The following KLHL29 variants were observed in gnomAD, a reference collection of about 807,000 sequenced individuals.
KLHL29 encodes kelch-like protein 29.
In KLHL29, 21 loss-of-function variants were observed where a neutral mutation model predicts 80.4. The observed-to-expected ratio is 0.26, with a 90% CI of 0.19 to 0.38. The LOEUF (loss-of-function observed/expected upper bound fraction) is 0.38, where lower values mean the gene tolerates loss of function less well. KLHL29 is among the 10% of genes least tolerant of loss of function. The pLI, the probability that KLHL29 is intolerant of heterozygous loss-of-function variation, is 1.00. For missense variants in KLHL29, 867 were observed against 1,223.9 expected (o/e 0.71, Z 4.35); for synonymous variants, 511 against 526.8 (o/e 0.97, Z 0.41).
chr2:23,449,545 A>G (rs1663806525), intron 1 of KLHL29, among the ~76,000 whole-genome samples: 1 of 152,118 alleles, frequency 6.6e-6, no homozygotes, highest in Non-Finnish European at 1.5e-5. Context: ...TCTCTCACTA[A>G]GTAGGCTGGT....
chr2:23,480,135 G>A (rs954506809), intron 2 of KLHL29, among the ~76,000 whole-genome samples: 9 of 152,200 alleles, frequency 5.9e-5, no homozygotes, highest in South Asian at 2.1e-4. Context: ...AGGGAGGAAC[G>A]GTGCCACCAG....
At chr2:23,619,105 AG>A (rs1439475206) in intron 3 of KLHL29, among the ~76,000 whole-genome samples, 5 of 152,268 alleles carry the variant, frequency 3.3e-5, no homozygotes, top group Admixed American at 6.5e-5. Flanking sequence ...TGCAGGTGGG[AG>A]GCTCCAGCTA....
chr2:23,402,029 T>C (rs554787051), intron 1 of KLHL29, among the ~76,000 whole-genome samples: 87 of 152,290 alleles, frequency 5.7e-4, no homozygotes, highest in African/African-American at 1.9e-3. Flanking sequence ...CTGGGCACAT[T>C]TTGCACTTTC....
In KLHL29 at chr2:23,695,579, C is replaced by T; in HGVS notation, c.1543-44C>T. ...ATTTCTTTCCGTCCGGGAGGTGGCT[C>T]TCTCTTGCTAGTCTAAGAAGATTCT... is the stretch of plus-strand genomic sequence containing the variant. On this transcript the variant is annotated intron_variant, in intron 8 of 13. Coordinates refer to ENST00000486442, the MANE Select transcript of KLHL29 (RefSeq NM_052920.2). This position sits in a 1 kb window ranked among gnomAD's most constrained non-coding sequence, Gnocchi z 7.6. The T allele has an allele frequency of 7.2e-7, 1 of 1,387,784 alleles. No individual in the cohort carries two copies. The highest frequency in any genetic ancestry group is 2.5e-5 in the East Asian group (1 of 39,996). The allele number at this position is 1,387,784 out of a possible 1,614,324, so 86.0% of individuals were successfully genotyped here. A position where few individuals can be genotyped will look rare whatever the true frequency, so the allele number is the denominator to read the frequency against.
At chr2:23,431,305 C>T (rs1663169780) in intron 1 of KLHL29, among the ~76,000 whole-genome samples, 2 of 152,220 alleles carry the variant, frequency 1.3e-5, no homozygotes, top group Non-Finnish European at 2.9e-5. Context: ...AGGCATAGAA[C>T]AGCAGTGCAG....
chr2:23,585,410 C>T (rs1260807741), intron 3 of KLHL29, among the ~76,000 whole-genome samples: 3 of 152,170 alleles, frequency 2.0e-5, no homozygotes, highest in African/African-American at 7.2e-5. Context: ...TATACCTACT[C>T]CTGGGTCAGT....
intron 4 of KLHL29, among the ~76,000 whole-genome samples, chr2:23,640,537 A>T (rs942244753): frequency 6.6e-6 from 1 of 152,194 alleles, no homozygotes; most frequent in African/African-American, 2.4e-5. Flanking sequence ...TAAGACACCC[A>T]GGCTGGCTCA....
intron 2 of KLHL29, among the ~76,000 whole-genome samples, chr2:23,514,809 A>G (rs551472884): frequency 2.0e-4 from 30 of 152,260 alleles, no homozygotes; most frequent in African/African-American, 6.3e-4. Flanking sequence ...CGCTCCATCT[A>G]TCCTTGCTGC....
At chr2:23,636,400 A>G (rs1392098361) in intron 3 of KLHL29, among the ~76,000 whole-genome samples, 1 of 134,818 alleles carries the variant, frequency 7.4e-6, no homozygotes, top group Non-Finnish European at 1.6e-5. Flanking sequence ...ACCCTAAAGG[A>G]AAAAAAAAAA....
intron 3 of KLHL29, among the ~76,000 whole-genome samples, chr2:23,601,551 G>C (rs1275291576): frequency 3.3e-5 from 5 of 152,312 alleles, no homozygotes; most frequent in Non-Finnish European, 7.4e-5. Context: ...TTGCAAACGA[G>C]ACCAGGCCAG....
intron 2 of KLHL29, among the ~76,000 whole-genome samples, chr2:23,523,634 C>T (rs1666181167): frequency 6.6e-6 from 1 of 152,162 alleles, no homozygotes. Flanking sequence ...CTTTTACCCC[C>T]TCATACTTCC....
chr2:23,633,183 TTGTC>T (rs1669514166), intron 3 of KLHL29, among the ~76,000 whole-genome samples: 1 of 152,124 alleles, frequency 6.6e-6, no homozygotes, highest in East Asian at 1.9e-4. Context: ...ACAGGGAGCT[TTGTC>T]TGGCGTTGTC....
At chr2:23,597,191 A>G (rs1052956616) in intron 3 of KLHL29, among the ~76,000 whole-genome samples, 1 of 151,270 alleles carries the variant, frequency 6.6e-6, no homozygotes, top group African/African-American at 2.4e-5. Flanking sequence ...TTGAGGTCAC[A>G]TCTCTGGGAA....
At chr2:23,418,164 G>A (rs886498095) in intron 1 of KLHL29, among the ~76,000 whole-genome samples, 1 of 152,204 alleles carries the variant, frequency 6.6e-6, no homozygotes, top group Admixed American at 6.5e-5. Context: ...TGCGGCAGTG[G>A]GCTTTCCAAA....
At chr2:23,394,104 C>T (rs927184613) in intron 1 of KLHL29, among the ~76,000 whole-genome samples, 3 of 152,190 alleles carry the variant, frequency 2.0e-5, no homozygotes, top group African/African-American at 4.8e-5. Context: ...CAACAGCGGC[C>T]GGAACATCCC....
chr2:23,472,036 G>A (rs1664506960), intron 1 of KLHL29, among the ~76,000 whole-genome samples: 1 of 146,130 alleles, frequency 6.8e-6, no homozygotes, highest in Non-Finnish European at 1.5e-5. Flanking sequence ...AATGAGTCAA[G>A]GATCGTTTAT....
At chr2:23,633,050 G>A (rs1669510772) in intron 3 of KLHL29, among the ~76,000 whole-genome samples, 1 of 152,228 alleles carries the variant, frequency 6.6e-6, no homozygotes. Flanking sequence ...CTTGCCAGAA[G>A]GAGCCATCAG....
intron 3 of KLHL29, among the ~76,000 whole-genome samples, chr2:23,591,862 C>T (rs759918001): frequency 4.2e-4 from 64 of 152,216 alleles, no homozygotes; most frequent in Non-Finnish European, 7.8e-4. Context: ...TGCACATTCT[C>T]ATGCTGCTCG....
chr2:23,594,781 C>T (rs1270885659), intron 3 of KLHL29, among the ~76,000 whole-genome samples: 2 of 152,326 alleles, frequency 1.3e-5, no homozygotes, highest in Non-Finnish European at 2.9e-5. Flanking sequence ...CATTCTACAT[C>T]ATCTTGGGCT....
Sources: gnomAD v4.1 joint callset for allele counts (sites outside exome capture counted in the v4.1 genomes callset) on GRCh38, gnomAD v4.1.1 for gene constraint, Gnocchi (gnomAD v3.1) non-coding constraint, MANE v1.5 for transcripts, NCBI Gene and HGNC (gene_info 2026-07-23, HGNC 2026-07-21) for gene names.